Variants in MSMO1 observed in about 807,000 individuals in gnomAD.
The protein encoded by MSMO1 is methylsterol monooxygenase 1, also known as C-4 methylsterol oxidase.
MSMO1 carries 18 observed loss-of-function variants against 30.4 expected under a neutral mutation model. That is an observed-to-expected ratio of 0.59 (90% CI 0.41 to 0.88). MSMO1 has a LOEUF of 0.88. Among genes scored for constraint, MSMO1 ranks in the 40% least tolerant of loss-of-function variants. MSMO1 has a pLI of 0.00. For missense variants in MSMO1, 284 were observed against 340.5 expected (o/e 0.83, Z 1.31); for synonymous variants, 84 against 107.9 (o/e 0.78, Z 1.37).
chr4:165,339,588 A>T (rs1747660145), intron 4 of MSMO1, among the ~76,000 whole-genome samples: 1 of 152,228 alleles, frequency 6.6e-6, no homozygotes, highest in Non-Finnish European at 1.5e-5. Context: ...AAAGACAGCA[A>T]GATTTTATAT....
rs112966439 is a variant in MSMO1 at position 165,342,366 on chromosome 4, A to AC, written c.*420_*421insC. ...TGGCCTTATATTTAACTTTTTTTTT[A>AC]TTTTTTTTTTGAGACAAAGCCACAC... On this transcript the variant is annotated 3_prime_UTR_variant, in exon 6 of 6. Coordinates refer to ENST00000261507, the MANE Select transcript of MSMO1 (RefSeq NM_006745.5). The AC allele has an allele frequency of 0.099, 14,894 of 149,794 alleles. 2,341 individuals are homozygous for AC. The highest frequency in any genetic ancestry group is 0.34 in the African/African-American group (13,610 of 40,604). 9.3% of individuals were successfully genotyped at this position (149,794 alleles called of 1,614,324 possible). A position where few individuals can be genotyped will look rare whatever the true frequency, so the allele number is the denominator to read the frequency against.
At chr4:165,340,117 G>T in intron 4 of MSMO1, 104 bp from the exon 5 acceptor site, 2 of 935,326 alleles carry the variant, frequency 2.1e-6, no homozygotes, top group Admixed American at 2.0e-5. Context: ...ATCTAGACTG[G>T]TATTTAATCA....
At chr4:165,332,058 G>A (rs557618334) in intron 1 of MSMO1, among the ~76,000 whole-genome samples, 5 of 151,314 alleles carry the variant, frequency 3.3e-5, no homozygotes, top group African/African-American at 7.3e-5. Flanking sequence ...CCCCTACCCC[G>A]CCACGCTGTC....
At chr4:165,341,666 T>C (rs543720166) in intron 5 of MSMO1, 85 bp from the exon 6 acceptor site, 29 of 1,264,160 alleles carry the variant, frequency 2.3e-5, no homozygotes, top group Middle Eastern at 2.6e-4. Context: ...CTAAATTGGT[T>C]AATGTGAACA....
At chr4:165,341,502 C>T (rs1747714213) in intron 5 of MSMO1, among the ~76,000 whole-genome samples, 2 of 152,046 alleles carry the variant, frequency 1.3e-5, no homozygotes, top group African/African-American at 2.4e-5. Context: ...CCGTCTCTTC[C>T]ATCATTCATA....
chr4:165,340,601 A>G (rs897952493), intron 5 of MSMO1: 21 of 536,898 alleles, frequency 3.9e-5, no homozygotes, highest in South Asian at 6.8e-5. Flanking sequence ...GGGCAAGTAT[A>G]TATTCAGGAC....
chr4:165,338,552 G>A (rs1747625253), intron 3 of MSMO1, 100 bp from the exon 4 acceptor site: 1 of 1,016,690 alleles, frequency 9.8e-7, no homozygotes, highest in Non-Finnish European at 1.5e-6. Context: ...TAAGTGGGTG[G>A]GTGGTTTTAT....
chr4:165,331,953 C>G (rs544384226), intron 1 of MSMO1, among the ~76,000 whole-genome samples: 4 of 148,422 alleles, frequency 2.7e-5, no homozygotes, highest in African/African-American at 1.1e-4. Context: ...CCGTAACACT[C>G]TCCCCTACCC....
At chr4:165,340,572 T>C in intron 5 of MSMO1, 197 bp downstream of exon 5, 1 of 594,194 alleles carries the variant, frequency 1.7e-6, no homozygotes, top group East Asian at 2.9e-5. Context: ...ATAATTTTTA[T>C]AGTGATAATG....
At chr4:165,328,695 G>C (rs1455179276) in intron 1 of MSMO1, among the ~76,000 whole-genome samples, 3 of 152,198 alleles carry the variant, frequency 2.0e-5, no homozygotes, top group Non-Finnish European at 4.4e-5. Flanking sequence ...TAAAGGAAAA[G>C]GAAATTCAAT....
chr4:165,337,130 A>T (rs759464736), intron 2 of MSMO1, among the ~76,000 whole-genome samples: 23 of 152,210 alleles, frequency 1.5e-4, no homozygotes, highest in Non-Finnish European at 2.6e-4. Context: ...TATAAATTGA[A>T]TACATTTAGT....
chr4:165,336,536 A>T (rs1560849205), intron 2 of MSMO1, among the ~76,000 whole-genome samples: 1 of 152,210 alleles, frequency 6.6e-6, no homozygotes, highest in Non-Finnish European at 1.5e-5. Context: ...GTCTACCTGG[A>T]AAATTAAGTC....
intron 5 of MSMO1, 61 bp from the exon 6 acceptor site, chr4:165,341,689 TA>T: frequency 1.4e-6 from 2 of 1,459,146 alleles, no homozygotes; most frequent in East Asian, 2.3e-5. Context: ...TGATTATTAA[TA>T]AAAACAACAA....
At chr4:165,336,232 CT>C (rs1747540857) in intron 2 of MSMO1, among the ~76,000 whole-genome samples, 2 of 86,482 alleles carry the variant, frequency 2.3e-5, no homozygotes, top group African/African-American at 6.5e-5. Flanking sequence ...GGATCTATTT[CT>C]TTAAAAAAAA....
rs892772288 is a variant in MSMO1, at chr4:165,339,435, C to T, written c.531+657C>T. 1.1e-4 allele frequency among the ~76,000 whole-genome samples: 17 copies of T among 152,174 alleles called. No individual in the cohort carries two copies. In the East Asian group the frequency reaches 2.9e-3, roughly 26 times the overall value. On this transcript the variant is annotated intron_variant, in intron 4 of 5. Transcript: ENST00000261507. ...AATTGCTTTGATGTAGCTTTGTCAA[C>T]TGGTTATGTGAGTATGTTTTGCATT...
chr4:165,336,957 G>A (rs1387619483), intron 2 of MSMO1, among the ~76,000 whole-genome samples: 1 of 152,192 alleles, frequency 6.6e-6, no homozygotes, highest in Non-Finnish European at 1.5e-5. Context: ...GGCTTCTGCT[G>A]ATGCGCAGTA....
At position 165,333,406 on chromosome 4, in the gene MSMO1, A is replaced by G. The variant is rs1415623809; in HGVS notation, c.36A>G (p.Ser12=). 6.2e-7 allele frequency: 1 copy of G among 1,611,938 alleles called. No homozygotes were observed. Among genetic ancestry groups the G allele is most frequent in the Non-Finnish European group, 8.5e-7 (1 of 1,179,792 alleles). The change falls in exon 2 of 6, where the codon TCA becomes TCG. Residue 12 remains serine, a synonymous_variant. Transcript: ENST00000261507. ...ATGAAAGTGTCAGCATCTTTAGTTC[A>G]GCATCCTTGGCTGTGGAATATGTAG... is the stretch of plus-strand genomic sequence containing the variant. ...ATNESVSIFS[S]ASLAVEYVDS... is the part of the protein sequence containing the mutation.
intron 4 of MSMO1, 88 bp downstream of exon 4, chr4:165,338,866 G>A (rs1455972157): frequency 3.1e-5 from 35 of 1,124,792 alleles, no homozygotes; most frequent in Admixed American, 2.7e-4. Context: ...TGTTGGTGAC[G>A]TTTTTATTTT....
Position 165,333,344 on chromosome 4 carries a change from A to G in MSMO1, c.-27A>G, listed in dbSNP as rs752826650. ...TATATGTATTCATTTCTACAGAATT[A>G]TAAGGCTGTCTGCAGAGATTTGAAA... On this transcript the variant is annotated 5_prime_UTR_variant, in exon 2 of 6. Coordinates refer to ENST00000261507, the MANE Select transcript of MSMO1 (RefSeq NM_006745.5). 3 of 1,610,306 alleles carry G rather than the reference A, an allele frequency of 1.9e-6. No individual in the cohort carries two copies. The highest frequency in any genetic ancestry group is 1.1e-5 in the South Asian group (1 of 90,738).
Sources: gnomAD v4.1 joint callset for allele counts (sites outside exome capture counted in the v4.1 genomes callset) on GRCh38, gnomAD v4.1.1 for gene constraint, MANE v1.5 for transcripts, NCBI Gene and HGNC (gene_info 2026-07-23, HGNC 2026-07-21) for gene names.